Variants in NHLRC2 observed in about 807,000 individuals in gnomAD.
The protein encoded by NHLRC2 is NHL repeat-containing protein 2.
In NHLRC2, 33 loss-of-function variants were observed where a neutral mutation model predicts 68.1. The observed-to-expected ratio is 0.48, with a 90% CI of 0.37 to 0.65. The LOEUF (loss-of-function observed/expected upper bound fraction) is 0.65. Ranked by LOEUF, NHLRC2 falls within the 30% of genes least tolerant of loss-of-function variation. NHLRC2 has a pLI of 0.00. For missense variants in NHLRC2, 761 were observed against 853.8 expected, an observed-to-expected ratio of 0.89 and a Z score of 1.35; for synonymous variants, 311 against 309.6, an observed-to-expected ratio of 1.00 and a Z score of -0.05.
rs752863916 is a variant in NHLRC2, at chr10:113,901,924, C to T, written c.1371+27C>T. 1.4e-5 allele frequency: 20 copies of T among 1,414,146 alleles called. No individual in the cohort carries two copies. The African/African-American group carries it at 2.0e-4, about 14-fold the overall frequency. 87.6% of individuals were successfully genotyped at this position (1,414,146 alleles called of 1,614,324 possible). ...TAATGACAGTCACTCTTGCACAGTG[C>T]GCTCGGACACTGAGCAAGCTGTCAA... is the stretch of plus-strand genomic sequence containing the variant. On this transcript the variant is annotated intron_variant, in intron 7 of 10. Coordinates refer to ENST00000369301, the MANE Select transcript of NHLRC2 (RefSeq NM_198514.4).
chr10:113,904,482 T>C (rs1235592232), intron 9 of NHLRC2, among the ~76,000 whole-genome samples: 2 of 152,224 alleles, frequency 1.3e-5, no homozygotes, highest in Non-Finnish European at 2.9e-5. Flanking sequence ...CATCTTCTTA[T>C]AGTTGACAAT....
Position 113,903,639 on chromosome 10 carries a change from G to A in NHLRC2, c.1607G>A (p.Gly536Asp). 1.2e-6 allele frequency: 2 copies of A among 1,605,018 alleles called. No homozygotes were observed. The highest frequency in any genetic ancestry group is 1.1e-5 in the South Asian group (1 of 90,856). Residue 536 changes from glycine to aspartate, a missense_variant, in exon 9 of 11, where the codon GGC becomes GAC. Coordinates refer to ENST00000369301, the MANE Select transcript of NHLRC2 (RefSeq NM_198514.4). ...GAGTCAACTTTTAATGAACCAGGAG[G>A]CTTGTGTATTGGAGAGAATGGAGAA... is the stretch of plus-strand genomic sequence containing the variant. ...FTESTFNEPG[G>D]LCIGENGELL...
Position 113,876,571 on chromosome 10 carries a change from G to T in NHLRC2, c.382G>T (p.Val128Phe), listed in dbSNP as rs1224249246. ...VHSAKFPNEKVLDNIKSAVLR... is the reference protein window; with the variant it reads ...VHSAKFPNEKFLDNIKSAVLR... ...CTCGGCTAAGTTTCCAAATGAAAAA[G>T]TCCTGGATAACATTAAGAGTGCTGT... is the stretch of plus-strand genomic sequence containing the variant. Residue 128 changes from valine to phenylalanine, a missense_variant, in exon 3 of 11, where the codon GTC becomes TTC. Val to Phe is a conservative substitution (Grantham distance 50). Coordinates refer to ENST00000369301, the MANE Select transcript of NHLRC2 (RefSeq NM_198514.4). 1.9e-6 allele frequency: 3 copies of T among 1,612,096 alleles called. No homozygotes were observed. The highest frequency in any genetic ancestry group is 2.5e-6 in the Non-Finnish European group (3 of 1,179,014).
intron 6 of NHLRC2, among the ~76,000 whole-genome samples, chr10:113,901,258 A>G (rs914675808): frequency 2.0e-5 from 3 of 152,348 alleles, no homozygotes; most frequent in African/African-American, 7.2e-5. Flanking sequence ...GCTTTAAACT[A>G]TCAAGAGCTA....
intron 5 of NHLRC2, among the ~76,000 whole-genome samples, chr10:113,891,753 C>G (rs1371878167): frequency 6.6e-6 from 1 of 152,210 alleles, no homozygotes; most frequent in African/African-American, 2.4e-5. Flanking sequence ...CGTTGTTATT[C>G]TGCCCCAGGC....
In NHLRC2 at chr10:113,884,244, T is replaced by C; in HGVS notation, c.910-7T>C. ...ATTGCATAAAACCATCCTTTGAATT[T>C]CTATAGATTGACCTAGAAGCTGAGA... On this transcript the variant is annotated splice_region_variant and splice_polypyrimidine_tract_variant and intron_variant, in intron 4 of 10. Transcript: ENST00000369301. 1 of 1,605,482 alleles carries C rather than the reference T, an allele frequency of 6.2e-7. No individual in the cohort carries two copies. Among genetic ancestry groups the C allele is most frequent in the Non-Finnish European group, 8.5e-7 (1 of 1,175,072 alleles).
At chr10:113,877,159 T>A (rs960470449) in intron 3 of NHLRC2, among the ~76,000 whole-genome samples, 183 bp downstream of exon 3, 1 of 151,936 alleles carries the variant, frequency 6.6e-6, no homozygotes, top group Non-Finnish European at 1.5e-5. Context: ...CTCTTCTCAC[T>A]CCCTCATAAA....
chr10:113,882,033 A>T (rs1003189707), intron 4 of NHLRC2, among the ~76,000 whole-genome samples: 3 of 151,762 alleles, frequency 2.0e-5, no homozygotes, highest in Non-Finnish European at 3.0e-5. Flanking sequence ...ATTCCTTTGT[A>T]TTGCTGGATA....
Position 113,858,609 on chromosome 10 carries a change from C to A in NHLRC2, c.260C>A (p.Thr87Asn). The A allele has an allele frequency of 6.2e-7, 1 of 1,609,124 alleles. No individual in the cohort carries two copies. Among genetic ancestry groups the A allele is most frequent in the Non-Finnish European group, 8.5e-7 (1 of 1,175,474 alleles). The change falls in exon 2 of 11, where the codon ACC (threonine) becomes AAC (asparagine). Residue 87 changes from threonine to asparagine, a missense_variant. Coordinates refer to ENST00000369301, the MANE Select transcript of NHLRC2 (RefSeq NM_198514.4). Reference sequence around the variant, plus strand: ...AAAATAGTCGTCCTTGATTTCTTCACCTACTGCTGCATAAACTGTATTCAC... The same window carrying A: ...AAAATAGTCGTCCTTGATTTCTTCAACTACTGCTGCATAAACTGTATTCAC... ...CGKIVVLDFF[T>N]YCCINCIHLL...
chr10:113,893,447 A>G (rs1396442732), intron 5 of NHLRC2, among the ~76,000 whole-genome samples: 1 of 152,218 alleles, frequency 6.6e-6, no homozygotes, highest in African/African-American at 2.4e-5. Context: ...AATGAAGATG[A>G]TGATAATAAG....
chr10:113,901,588 T>G, intron 6 of NHLRC2, 78 bp from the exon 7 acceptor site: 1 of 877,938 alleles, frequency 1.1e-6, no homozygotes, highest in Admixed American at 2.1e-5. Flanking sequence ...ATTTGATTAT[T>G]CACATTCATT....
intron 1 of NHLRC2, among the ~76,000 whole-genome samples, chr10:113,857,254 A>G (rs1328501431): frequency 6.6e-6 from 1 of 152,162 alleles, no homozygotes; most frequent in Non-Finnish European, 1.5e-5. Flanking sequence ...GACTATTTAC[A>G]GAAAAGTCAC....
chr10:113,880,139 T>C (rs1301915861), intron 4 of NHLRC2, among the ~76,000 whole-genome samples: 1 of 152,080 alleles, frequency 6.6e-6, no homozygotes, highest in Non-Finnish European at 1.5e-5. Flanking sequence ...TTATGTGTCC[T>C]TATTTCTAAA....
chr10:113,896,214 C>T (rs555541568), intron 5 of NHLRC2, among the ~76,000 whole-genome samples: 50 of 152,092 alleles, frequency 3.3e-4, no homozygotes, highest in African/African-American at 1.2e-3. Flanking sequence ...GACACATGCA[C>T]GTGTATGTTT....
At chr10:113,901,618 A>G in intron 6 of NHLRC2, 48 bp from the exon 7 acceptor site, 1 of 1,172,310 alleles carries the variant, frequency 8.5e-7, no homozygotes, top group South Asian at 1.3e-5. Flanking sequence ...ACTAAATTGC[A>G]CACAATATAC....
intron 5 of NHLRC2, among the ~76,000 whole-genome samples, chr10:113,896,545 T>A (rs1488213232): frequency 6.8e-6 from 1 of 147,020 alleles, no homozygotes; most frequent in African/African-American, 2.5e-5. Flanking sequence ...AGGGATAGCA[T>A]TGGGAGATAT....
At chr10:113,907,285 A>C (rs1366993322) in intron 10 of NHLRC2, among the ~76,000 whole-genome samples, 2 of 152,250 alleles carry the variant, frequency 1.3e-5, no homozygotes, top group Non-Finnish European at 2.9e-5. Context: ...AGGCACTCTG[A>C]GTCGGTTTAC....
Position 113,908,663 on chromosome 10 carries a change from C to G in NHLRC2, c.*127C>G. 1.3e-6 allele frequency: 1 copy of G among 773,228 alleles called. No individual in the cohort carries two copies. The highest frequency in any genetic ancestry group is 1.8e-5 in the South Asian group (1 of 55,546). 47.9% of individuals were successfully genotyped at this position (773,228 alleles called of 1,614,324 possible). A position where few individuals can be genotyped will look rare whatever the true frequency, so the allele number is the denominator to read the frequency against. ...CAAGATGCCCATTGCTCAGTTCAGACAACTGATATTAAAATAAAGCTATGC... is the reference window on the plus strand; with the variant it reads ...CAAGATGCCCATTGCTCAGTTCAGAGAACTGATATTAAAATAAAGCTATGC... On this transcript the variant is annotated 3_prime_UTR_variant, in exon 11 of 11. Coordinates refer to ENST00000369301, the MANE Select transcript of NHLRC2 (RefSeq NM_198514.4).
intron 4 of NHLRC2, among the ~76,000 whole-genome samples, chr10:113,881,797 C>T (rs567057796): frequency 2.1e-4 from 32 of 151,776 alleles, no homozygotes; most frequent in South Asian, 2.1e-4. Flanking sequence ...TGTAACCATA[C>T]GTTGTTTTTA....
Sources: allele counts gnomAD v4.1 joint callset (sites outside exome capture counted in the v4.1 genomes callset), GRCh38; gene constraint gnomAD v4.1.1; transcripts MANE v1.5; gene names NCBI Gene and HGNC (gene_info 2026-07-23, HGNC 2026-07-21).